Variants in TRIM5 observed in about 807,000 individuals in gnomAD.
The protein encoded by TRIM5 is tripartite motif containing 5.
A neutral mutation model predicts 35.6 loss-of-function variants in TRIM5; 31 were observed. The ratio of observed to expected loss-of-function variants is 0.87; its 90% CI spans 0.65 to 1.18. TRIM5 has a LOEUF of 1.18. TRIM5 is among the 50% of genes most tolerant of loss of function. The probability of loss-of-function intolerance (pLI) is 0.00; values close to 1 mark genes in which losing one functional copy is unlikely to be tolerated. For synonymous variants in TRIM5, 243 were observed against 215.6 expected, an observed-to-expected ratio of 1.13 and a Z score of -1.11; for missense variants, 609 against 591.6, an observed-to-expected ratio of 1.03 and a Z score of -0.31.
chr11:5,643,839 A>G, the TRIM5 span: 3 of 1,256,862 alleles, frequency 2.4e-6, no homozygotes, highest in South Asian at 1.5e-5. Flanking sequence ...CTTGAGATGT[A>G]TGGTGTATTT....
the TRIM5 span, chr11:5,642,381 G>T: frequency 3.0e-5 from 48 of 1,606,490 alleles, no homozygotes; most frequent in South Asian, 4.6e-4. Context: ...AGATGTGGGG[G>T]TCAAAAAATT....
the TRIM5 span, among the ~76,000 whole-genome samples, chr11:5,608,847 ATT>A: frequency 1.7e-3 from 175 of 101,874 alleles, no homozygotes; most frequent in African/African-American, 6.8e-3. Context: ...TTGCCCATAA[ATT>A]TTTTTTTTTT....
chr11:5,634,624 C>A, the TRIM5 span: 1 of 1,608,182 alleles, frequency 6.2e-7, no homozygotes, highest in Admixed American at 1.7e-5. Flanking sequence ...CTTGTCCATC[C>A]TTGCAGTATC....
the TRIM5 span, among the ~76,000 whole-genome samples, chr11:5,617,395 G>A: frequency 6.9e-6 from 1 of 144,168 alleles, no homozygotes; most frequent in Non-Finnish European, 1.5e-5. Flanking sequence ...CCTGACCACT[G>A]AGGGTACTTG....
At chr11:5,648,151 A>G in the TRIM5 span, among the ~76,000 whole-genome samples, 1 of 152,284 alleles carries the variant, frequency 6.6e-6, no homozygotes, top group African/African-American at 2.4e-5. Context: ...GTTCTCCCAC[A>G]TATATCACTT....
chr11:5,678,128 A>T (rs768530690), intron 4 of TRIM5, 76 bp downstream of exon 4: 5 of 1,272,022 alleles, frequency 3.9e-6, no homozygotes, highest in Non-Finnish European at 5.3e-6. Flanking sequence ...TATTAGAAAA[A>T]GCACAGCAAC....
the TRIM5 span, among the ~76,000 whole-genome samples, chr11:5,622,919 G>A: frequency 2.0e-5 from 3 of 152,210 alleles, no homozygotes; most frequent in African/African-American, 7.2e-5. Context: ...TTATACATTT[G>A]AGGGAGATGT....
chr11:5,679,056 G>A lies in TRIM5; in HGVS notation c.513+18C>T. 1 of 1,609,290 alleles carries A rather than the reference G, an allele frequency of 6.2e-7. No individual in the cohort carries two copies. The highest frequency in any genetic ancestry group is 1.1e-5 in the South Asian group (1 of 90,970). ...CCCAGATTTCTAGCTAACTCCTTCG[G>A]GAACCACATCCTCTTGCCTTCCAGG... On this transcript the variant is annotated intron_variant, in intron 3 of 7. Coordinates refer to ENST00000380034, the MANE Select transcript of TRIM5 (RefSeq NM_033034.3).
the TRIM5 span, among the ~76,000 whole-genome samples, chr11:5,649,337 A>G: frequency 6.6e-6 from 1 of 152,196 alleles, no homozygotes; most frequent in South Asian, 2.1e-4. Flanking sequence ...TACCTGATGG[A>G]GTGACCCAAA....
intron 4 of TRIM5, among the ~76,000 whole-genome samples, chr11:5,672,661 AT>A (rs1264633643): frequency 6.6e-6 from 1 of 152,212 alleles, no homozygotes; most frequent in Non-Finnish European, 1.5e-5. Context: ...TCTATAGTTT[AT>A]TTCCCAAAGT....
At chr11:5,626,058 C>G in the TRIM5 span, among the ~76,000 whole-genome samples, 1 of 152,218 alleles carries the variant, frequency 6.6e-6, no homozygotes, top group Non-Finnish European at 1.5e-5. Context: ...CTGGCCTCTG[C>G]TCTCACCCTT....
the TRIM5 span, among the ~76,000 whole-genome samples, chr11:5,622,001 G>T: frequency 1.3e-5 from 2 of 152,184 alleles, no homozygotes; most frequent in Non-Finnish European, 2.9e-5. Context: ...CATGTCTTCA[G>T]CCTTGGTAAA....
rs1382597651 is a variant in TRIM5 at position 5,663,271 on chromosome 11, T to G, written c.*1538A>C. ...ACATCAGCTAATTTTATTATAATTA[T>G]TTTTTACAATTAATAAACTGATTCC... On this transcript the variant is annotated 3_prime_UTR_variant, in exon 8 of 8. Transcript: ENST00000380034. 1.1e-6 allele frequency: 1 copy of G among 950,500 alleles called. No individual in the cohort carries two copies. Among genetic ancestry groups the G allele is most frequent in the Admixed American group, 6.2e-5 (1 of 16,200 alleles). 58.9% of individuals were successfully genotyped at this position (950,500 alleles called of 1,614,324 possible). A position where few individuals can be genotyped will look rare whatever the true frequency, so the allele number is the denominator to read the frequency against.
the TRIM5 span, among the ~76,000 whole-genome samples, chr11:5,609,451 G>A: frequency 1.3e-5 from 2 of 152,142 alleles, no homozygotes; most frequent in Non-Finnish European, 2.9e-5. Context: ...TGTTCTGCCT[G>A]TCAACCCAGA....
At chr11:5,596,910 G>A in the TRIM5 span, 1 of 1,614,130 alleles carries the variant, frequency 6.2e-7, no homozygotes, top group Admixed American at 1.7e-5. Context: ...GTGCGGGTCA[G>A]AGAGGTATGT....
Position 5,665,727 on chromosome 11 carries a change from C to T in TRIM5, c.869-45G>A, listed in dbSNP as rs148039354. 1.5e-4 allele frequency: 226 copies of T among 1,472,084 alleles called. No homozygotes were observed. In the African/African-American group the frequency reaches 2.4e-3, roughly 16 times the overall value. The allele number at this position is 1,472,084 out of a possible 1,614,324, so 91.2% of individuals were successfully genotyped here. A position where few individuals can be genotyped will look rare whatever the true frequency, so the allele number is the denominator to read the frequency against. ...CAATATTGAATACAAACAAAGGAGT[C>T]AGCACTGAAATTCATTTTCTCTCCA... is the stretch of plus-strand genomic sequence containing the variant. On this transcript the variant is annotated intron_variant, in intron 6 of 7. Coordinates refer to ENST00000380034, the MANE Select transcript of TRIM5 (RefSeq NM_033034.3).
chr11:5,640,783 T>C, the TRIM5 span, among the ~76,000 whole-genome samples: 1 of 152,198 alleles, frequency 6.6e-6, no homozygotes, highest in Non-Finnish European at 1.5e-5. Flanking sequence ...GTGAGGCCTT[T>C]TCTCTGTAGG....
At chr11:5,644,488 C>G in the TRIM5 span, 2 of 378,138 alleles carry the variant, frequency 5.3e-6, no homozygotes, top group Admixed American at 4.5e-5. Flanking sequence ...TTTCAAGTTC[C>G]CAGACTCCAC....
intron 4 of TRIM5, chr11:5,670,005 C>G (rs534893307): frequency 6.4e-6 from 1 of 157,392 alleles, no homozygotes; most frequent in Non-Finnish European, 1.4e-5. Flanking sequence ...GATCAATGTC[C>G]TTCTCCAAAT....
Sources: allele counts gnomAD v4.1 joint callset (sites outside exome capture counted in the v4.1 genomes callset), GRCh38; gene constraint gnomAD v4.1.1; transcripts MANE v1.5; gene names NCBI Gene and HGNC (gene_info 2026-07-23, HGNC 2026-07-21).